GALNT14: variants seen among roughly 807,000 people sequenced by gnomAD.
The protein encoded by GALNT14 is polypeptide N-acetylgalactosaminyltransferase 14.
In GALNT14, 60 loss-of-function variants were observed where a neutral mutation model predicts 77.5. The ratio of observed to expected loss-of-function variants is 0.77; its 90% CI spans 0.63 to 0.96. The LOEUF (loss-of-function observed/expected upper bound fraction) is 0.96. GALNT14 is among the 40% of genes least tolerant of loss of function. GALNT14 has a pLI of 0.00. For missense variants in GALNT14, 710 were observed against 731.0 expected (o/e 0.97, Z 0.33); for synonymous variants, 280 against 281.7 (o/e 0.99, Z 0.06).
chr2:31,003,390 C>T (rs1387384706), intron 1 of GALNT14, among the ~76,000 whole-genome samples: 1 of 152,154 alleles, frequency 6.6e-6, no homozygotes, highest in Non-Finnish European at 1.5e-5. Flanking sequence ...TGTCCCTTTT[C>T]CCCACTTTCC....
At chr2:30,974,333 G>A (rs1286743626) in intron 2 of GALNT14, among the ~76,000 whole-genome samples, 2 of 152,116 alleles carry the variant, frequency 1.3e-5, no homozygotes, top group African/African-American at 2.4e-5. Context: ...TTCCTCTCTG[G>A]CTGTATCCCT....
intron 2 of GALNT14, among the ~76,000 whole-genome samples, chr2:30,971,912 G>C (rs2148355055): frequency 6.6e-6 from 1 of 152,332 alleles, no homozygotes; most frequent in East Asian, 1.9e-4. Flanking sequence ...ATAACGGAGA[G>C]CGTGATGATG....
At chr2:30,986,176 C>A (rs1426734985) in intron 2 of GALNT14, among the ~76,000 whole-genome samples, 1 of 152,154 alleles carries the variant, frequency 6.6e-6, no homozygotes, top group Non-Finnish European at 1.5e-5. Context: ...CATTTAGCAC[C>A]GCACTGGACA....
At position 30,942,423 on chromosome 2, in the gene GALNT14, A is replaced by C. The variant is rs551668694; in HGVS notation, c.828-119T>G. On this transcript the variant is annotated intron_variant, in intron 8 of 14. Coordinates refer to ENST00000349752, the MANE Select transcript of GALNT14 (RefSeq NM_024572.4). The stretch of plus-strand genomic sequence containing the variant: ...CATTTGGGGAAAGAAAACCCCATTG[A>C]GGGAAGAAAACTCTCATTTTCTTCC... 3 of 687,082 alleles carry C rather than the reference A, an allele frequency of 4.4e-6. No homozygotes were observed. The African/African-American group carries it at 5.4e-5, about 12-fold the overall frequency. 42.6% of individuals were successfully genotyped at this position (687,082 alleles called of 1,614,324 possible).
chr2:31,098,366 T>C (rs893034356), intron 1 of GALNT14, among the ~76,000 whole-genome samples: 5 of 152,134 alleles, frequency 3.3e-5, no homozygotes, highest in Non-Finnish European at 7.4e-5. Context: ...TACTTTTCTG[T>C]ATGTGGAGGA....
chr2:31,046,148 A>G (rs1305335015), intron 1 of GALNT14, among the ~76,000 whole-genome samples: 1 of 152,220 alleles, frequency 6.6e-6, no homozygotes, highest in Non-Finnish European at 1.5e-5. Flanking sequence ...AAAGAAAAAA[A>G]TGAGAATAGA....
chr2:31,135,966 T>C (rs1444516128), intron 1 of GALNT14, among the ~76,000 whole-genome samples: 2 of 152,160 alleles, frequency 1.3e-5, no homozygotes, highest in Non-Finnish European at 2.9e-5. Flanking sequence ...TTGTCCCAGA[T>C]CCCTGGTGTA....
At chr2:30,976,612 C>CATGTGT (rs1553348453) in intron 2 of GALNT14, among the ~76,000 whole-genome samples, 4 of 148,298 alleles carry the variant, frequency 2.7e-5, no homozygotes, top group African/African-American at 1.0e-4. Flanking sequence ...TGTGCGTGTG[C>CATGTGT]GTGTGTGTAT....
At chr2:30,984,416 T>A (rs1385449774) in intron 2 of GALNT14, among the ~76,000 whole-genome samples, 1 of 152,156 alleles carries the variant, frequency 6.6e-6, no homozygotes, top group African/African-American at 2.4e-5. Context: ...CAGGAATGTG[T>A]TATTTAGGGC....
the GALNT14 span, among the ~76,000 whole-genome samples, chr2:30,896,882 C>T: frequency 2.6e-5 from 4 of 151,940 alleles, no homozygotes; most frequent in African/African-American, 9.7e-5. Flanking sequence ...CTCTGACTGT[C>T]AGTAACATAG....
intron 1 of GALNT14, among the ~76,000 whole-genome samples, chr2:30,993,600 C>G (rs1349879396): frequency 6.6e-6 from 1 of 152,232 alleles, no homozygotes; most frequent in Non-Finnish European, 1.5e-5. Flanking sequence ...CTTTCTTCCT[C>G]CTACCCAGGA....
In GALNT14 at chr2:30,981,072, A is replaced by T. The variant is rs541610410; in HGVS notation, c.299+11766T>A. Among the ~76,000 whole-genome samples the T allele has an allele frequency of 2.0e-5, 3 of 152,288 alleles. No individual in the cohort carries two copies. In the South Asian group the frequency reaches 6.2e-4, roughly 32 times the overall value. Reference sequence around the variant, plus strand: ...AGAAATACAAGGCATGAAGAGTCTTACTCTAAGGGCTTACTGCATGGTTCA... The same window carrying T: ...AGAAATACAAGGCATGAAGAGTCTTTCTCTAAGGGCTTACTGCATGGTTCA... On this transcript the variant is annotated intron_variant, in intron 2 of 14. Transcript: ENST00000349752.
At chr2:30,925,403 A>G (rs1380747960) in intron 11 of GALNT14, among the ~76,000 whole-genome samples, 2 of 152,234 alleles carry the variant, frequency 1.3e-5, no homozygotes, top group Admixed American at 1.3e-4. Context: ...CCCAGGTGAC[A>G]TAGGATGAGC....
At chr2:30,966,130 G>T in intron 3 of GALNT14, 74 bp downstream of exon 3, 2 of 1,132,896 alleles carry the variant, frequency 1.8e-6, no homozygotes, top group Non-Finnish European at 2.7e-6. Flanking sequence ...ACAGCGCTGG[G>T]CACCTGGGGA....
At chr2:31,077,036 G>A (rs1675846646) in intron 1 of GALNT14, among the ~76,000 whole-genome samples, 1 of 152,180 alleles carries the variant, frequency 6.6e-6, no homozygotes, top group Non-Finnish European at 1.5e-5. Flanking sequence ...ATTTATATTA[G>A]TATAGTAACA....
chr2:31,133,358 T>C (rs751213647), intron 1 of GALNT14, among the ~76,000 whole-genome samples: 58 of 152,212 alleles, frequency 3.8e-4, no homozygotes, highest in Non-Finnish European at 7.5e-4. Flanking sequence ...CTAAAATTTA[T>C]GACTTTTTTT....
chr2:31,111,781 C>T (rs935563189), intron 1 of GALNT14, among the ~76,000 whole-genome samples: 17 of 152,040 alleles, frequency 1.1e-4, no homozygotes, highest in African/African-American at 2.9e-4. Context: ...GGTCCTTATC[C>T]GATGTTAGTC....
chr2:30,910,789 T>A lies in GALNT14; in HGVS notation c.*112A>T, dbSNP rs1664308002. On this transcript the variant is annotated 3_prime_UTR_variant, in exon 15 of 15. Coordinates refer to ENST00000349752, the MANE Select transcript of GALNT14 (RefSeq NM_024572.4). ...TGTCCTGGGGGGCTCTGCCTCCACC[T>A]CCCAGTCCAGGATGTCTGAGGTGGT... 2.7e-5 allele frequency: 33 copies of A among 1,207,312 alleles called. No individual in the cohort carries two copies. Among genetic ancestry groups the A allele is most frequent in the Middle Eastern group, 2.8e-4 (1 of 3,564 alleles). The allele number at this position is 1,207,312 out of a possible 1,614,324, so 74.8% of individuals were successfully genotyped here.
chr2:30,977,291 A>G (rs113175146), intron 2 of GALNT14, among the ~76,000 whole-genome samples: 3,464 of 152,128 alleles, frequency 0.023, 136 homozygotes, highest in East Asian at 0.21. Context: ...GGGTTTCACC[A>G]TGTTGGCCAG....
Sources: gnomAD v4.1 joint callset for allele counts (sites outside exome capture counted in the v4.1 genomes callset) on GRCh38, gnomAD v4.1.1 for gene constraint, MANE v1.5 for transcripts, NCBI Gene and HGNC (gene_info 2026-07-23, HGNC 2026-07-21) for gene names.